Variants in MRPS6 observed in about 807,000 individuals in gnomAD.
MRPS6 encodes the protein small ribosomal subunit protein bS6m.
A neutral mutation model predicts 13.1 loss-of-function variants in MRPS6; 6 were observed. That is an observed-to-expected ratio of 0.46 (90% CI 0.25 to 0.91). The LOEUF is 0.91. Ranked by LOEUF, MRPS6 falls within the 40% of genes least tolerant of loss-of-function variation. The probability of loss-of-function intolerance (pLI) is 0.18; values close to 1 mark genes in which losing one functional copy is unlikely to be tolerated. For synonymous variants in MRPS6, 61 were observed against 56.5 expected (o/e 1.08, Z -0.36); for missense variants, 164 against 155.6 (o/e 1.05, Z -0.29).
chr21:34,093,247 T>TC (rs1390897717), intron 1 of MRPS6, among the ~76,000 whole-genome samples: 2 of 152,038 alleles, frequency 1.3e-5, no homozygotes, highest in African/African-American at 4.8e-5. Flanking sequence ...GATTTTTTTT[T>TC]TTTTTTTTGC....
intron 1 of MRPS6, among the ~76,000 whole-genome samples, chr21:34,107,200 G>A (rs1979515875): frequency 1.3e-5 from 2 of 152,204 alleles, no homozygotes; most frequent in Admixed American, 6.5e-5. Context: ...CCAAAGTGCT[G>A]GGATTACAGG....
chr21:34,118,726 G>T (rs1197648015), intron 1 of MRPS6, among the ~76,000 whole-genome samples: 1 of 152,002 alleles, frequency 6.6e-6, no homozygotes, highest in Non-Finnish European at 1.5e-5. Context: ...TGTTGGCCAG[G>T]CTGGTCTCAA....
At position 34,142,437 on chromosome 21, in the gene MRPS6, C is replaced by G. The variant is rs61910677; in HGVS notation, c.215C>G (p.Thr72Ser). Residue 72 changes from threonine to serine, a missense_variant, in exon 3 of 3, where the codon ACC (threonine) becomes AGC (serine). Thr to Ser is a moderately conservative substitution (Grantham distance 58). Transcript: ENST00000399312. Reference sequence around the variant, plus strand: ...TTCTTGGTGGATTTTTATGCACCCACCGCAGCTGTTGAAAGCATGGTGGAG... The same window carrying G: ...TTCTTGGTGGATTTTTATGCACCCAGCGCAGCTGTTGAAAGCATGGTGGAG... ...GYFLVDFYAP[T>S]AAVESMVEHL... 1 of 1,591,706 alleles carries G rather than the reference C, an allele frequency of 6.3e-7. No homozygotes were observed. The highest frequency in any genetic ancestry group is 1.2e-5 in the South Asian group (1 of 86,224).
intron 1 of MRPS6, chr21:34,101,334 C>T: frequency 1.0e-6 from 1 of 1,000,118 alleles, no homozygotes; most frequent in South Asian, 4.7e-5. Context: ...TTTTTAAACC[C>T]TGGTTTGATG....
At chr21:34,098,452 G>GT (rs1979073010) in intron 1 of MRPS6, 3 of 999,656 alleles carry the variant, frequency 3.0e-6, no homozygotes. Context: ...TCCTTGATAA[G>GT]TTTTTCCCTG....
chr21:34,087,482 G>A lies in MRPS6; in HGVS notation c.45+13737G>A, dbSNP rs543060424. On this transcript the variant is annotated intron_variant, in intron 1 of 2. Transcript: ENST00000399312. ...ACAACACAGAAAATTCTACCCTCAT[G>A]GAGTTTACATACATGGTAGTGAGGA... 1.4e-4 allele frequency among the ~76,000 whole-genome samples: 21 copies of A among 152,302 alleles called. No individual in the cohort carries two copies. The East Asian group carries it at 4.0e-3, about 29-fold the overall frequency.
chr21:34,125,135 C>G, intron 1 of MRPS6: 1 of 756,908 alleles, frequency 1.3e-6, no homozygotes, highest in Non-Finnish European at 1.9e-6. Flanking sequence ...AGATATTCCT[C>G]GTATCTGTGA....
chr21:34,140,955 C>T (rs1980886809), intron 2 of MRPS6, among the ~76,000 whole-genome samples: 1 of 152,200 alleles, frequency 6.6e-6, no homozygotes, highest in Non-Finnish European at 1.5e-5. Flanking sequence ...TTCCACTAGG[C>T]TTGGCTTTAA....
chr21:34,133,838 T>C (rs1284291947), intron 2 of MRPS6, among the ~76,000 whole-genome samples: 1 of 152,190 alleles, frequency 6.6e-6, no homozygotes, highest in African/African-American at 2.4e-5. Context: ...CTACCTGCTA[T>C]AGACTTCAGT....
chr21:34,087,002 G>A (rs985960421), intron 1 of MRPS6, among the ~76,000 whole-genome samples: 12 of 152,212 alleles, frequency 7.9e-5, no homozygotes, highest in Admixed American at 3.3e-4. Flanking sequence ...AGAGGTGGAT[G>A]TCGACAGTTG....
At chr21:34,087,636 A>T (rs118076357) in intron 1 of MRPS6, among the ~76,000 whole-genome samples, 8,192 of 152,258 alleles carry the variant, frequency 0.054, 317 homozygotes, top group Non-Finnish European at 0.079. Context: ...AGGAGAGGAG[A>T]CAGGTCTTGT....
chr21:34,080,317 A>G (rs138388534), intron 1 of MRPS6, among the ~76,000 whole-genome samples: 48 of 152,332 alleles, frequency 3.2e-4, no homozygotes, highest in African/African-American at 1.1e-3. Flanking sequence ...AGTCACATCC[A>G]AGGCTGTCTC....
chr21:34,101,887 T>TA (rs1979253393), intron 1 of MRPS6: 1 of 1,000,058 alleles, frequency 1.0e-6, no homozygotes, highest in African/African-American at 1.7e-5. Flanking sequence ...GAGAGAGCAG[T>TA]AGTGATCATT....
intron 1 of MRPS6, chr21:34,101,585 G>A: frequency 2.0e-6 from 2 of 1,000,014 alleles, no homozygotes; most frequent in Non-Finnish European, 2.4e-6. Context: ...TCACATTGCT[G>A]TGTCAGTTCT....
intron 1 of MRPS6, among the ~76,000 whole-genome samples, chr21:34,114,235 A>G (rs1436872660): frequency 1.3e-5 from 2 of 152,194 alleles, no homozygotes; most frequent in African/African-American, 4.8e-5. Context: ...TTTCTAGCTG[A>G]TGCAGTAGTA....
chr21:34,116,764 A>G (rs1461483399), intron 1 of MRPS6, among the ~76,000 whole-genome samples: 3 of 152,158 alleles, frequency 2.0e-5, no homozygotes, highest in Admixed American at 1.3e-4. Context: ...TGGAGCAAAC[A>G]CAACCTGTAG....
In MRPS6 at chr21:34,125,357, C is replaced by A. The variant is rs1980264225; in HGVS notation, c.62C>A (p.Thr21Asn). 1 of 1,611,668 alleles carries A rather than the reference C, an allele frequency of 6.2e-7. No individual in the cohort carries two copies. The highest frequency in any genetic ancestry group is 1.3e-5 in the African/African-American group (1 of 74,816). The change falls in exon 2 of 3, where the codon ACT becomes AAT. Residue 21 changes from threonine (T) to asparagine (N), a missense_variant. Physicochemically the swap from Thr to Asn is moderately conservative, Grantham distance 65 (BLOSUM62 0). Coordinates refer to ENST00000399312, the MANE Select transcript of MRPS6 (RefSeq NM_032476.4). ...KAMQRPETAATLKRTIEALMD... is the reference protein window; with the variant it reads ...KAMQRPETAANLKRTIEALMD... Reference sequence around the variant, plus strand: ...CAAAAACAGCCAGAGACTGCTGCTACTTTGAAACGTACGATAGAGGCCCTG... The same window carrying A: ...CAAAAACAGCCAGAGACTGCTGCTAATTTGAAACGTACGATAGAGGCCCTG...
chr21:34,103,930 G>A (rs1979360169), intron 1 of MRPS6: 1 of 1,000,142 alleles, frequency 1.0e-6, no homozygotes, highest in Non-Finnish European at 1.2e-6. Context: ...TTGGTGGGTG[G>A]AACAGGTGAC....
intron 2 of MRPS6, among the ~76,000 whole-genome samples, chr21:34,126,379 C>T (rs976862446): frequency 3.9e-5 from 6 of 152,194 alleles, no homozygotes; most frequent in African/African-American, 7.2e-5. Context: ...TGAGTGGAGT[C>T]GCGTCTCACA....
Sources: gnomAD v4.1 joint callset for allele counts (sites outside exome capture counted in the v4.1 genomes callset) on GRCh38, gnomAD v4.1.1 for gene constraint, MANE v1.5 for transcripts, NCBI Gene and HGNC (gene_info 2026-07-23, HGNC 2026-07-21) for gene names.